Variants in GALNT11 observed in about 807,000 individuals in gnomAD.
GALNT11 encodes the protein polypeptide N-acetylgalactosaminyltransferase 11, also known as UDP-GalNAc:polypeptide N-acetylgalactosaminyltransferase 11.
Under a neutral mutation model 72.7 loss-of-function variants are expected in GALNT11, and 47 were observed. The observed-to-expected ratio is 0.65, with a 90% CI of 0.51 to 0.82. GALNT11 has a LOEUF of 0.82. Ranked by LOEUF, GALNT11 falls within the 40% of genes least tolerant of loss-of-function variation. GALNT11 has a pLI of 0.00. For synonymous variants in GALNT11, 270 were observed against 286.6 expected (o/e 0.94, Z 0.58); for missense variants, 677 against 778.4 (o/e 0.87, Z 1.55).
At chr7:152,095,222 C>T (rs1293388683) in intron 2 of GALNT11, among the ~76,000 whole-genome samples, 4 of 151,982 alleles carry the variant, frequency 2.6e-5, no homozygotes, top group African/African-American at 4.8e-5. Context: ...TTCTCTTCAA[C>T]TTGGATGCAA....
At chr7:152,044,330 A>G (rs891466291) in intron 1 of GALNT11, among the ~76,000 whole-genome samples, 1 of 152,208 alleles carries the variant, frequency 6.6e-6, no homozygotes, top group Non-Finnish European at 1.5e-5. Flanking sequence ...CAGCTCGCTC[A>G]TGCTATTGTT....
intron 1 of GALNT11, among the ~76,000 whole-genome samples, chr7:152,051,199 G>GTTTTTTTT (rs35668155): frequency 8.5e-5 from 4 of 46,826 alleles, no homozygotes; most frequent in Non-Finnish European, 1.5e-4. Flanking sequence ...ATATCTGGTT[G>GTTTTTTTT]TTTTTTTTTT....
chr7:152,113,318 C>T lies in GALNT11; in HGVS notation c.1153C>T (p.Pro385Ser). 1 of 1,614,130 alleles carries T rather than the reference C, an allele frequency of 6.2e-7. No individual in the cohort carries two copies. Among genetic ancestry groups the T allele is most frequent in the Non-Finnish European group, 8.5e-7 (1 of 1,180,024 alleles). Residue 385 changes from proline to serine, a missense_variant, in exon 8 of 12, where the codon CCA becomes TCA. Pro to Ser is a moderately conservative substitution (Grantham distance 74). Coordinates refer to ENST00000430044, the MANE Select transcript of GALNT11 (RefSeq NM_022087.4). ...AGGACACATTTTCCGAAAAAGGCGA[C>T]CATATGGATCTCCCGAAGGCCAGGA... Reference protein sequence around the residue: ...RVGHIFRKRRPYGSPEGQDTM... With the variant: ...RVGHIFRKRRSYGSPEGQDTM...
intron 1 of GALNT11, among the ~76,000 whole-genome samples, chr7:152,067,238 A>G (rs74904519): frequency 0.014 from 2,064 of 152,268 alleles, 41 homozygotes; most frequent in African/African-American, 0.041. Context: ...AGTAATCTCA[A>G]TTACCTGGCT....
chr7:152,031,836 G>T (rs1377843919), intron 1 of GALNT11, among the ~76,000 whole-genome samples: 1 of 152,232 alleles, frequency 6.6e-6, no homozygotes, highest in Middle Eastern at 3.4e-3. Context: ...TGCCCTCTGG[G>T]TCTCCTTGAT....
Position 152,094,573 on chromosome 7 carries a change from A to G in GALNT11, c.295+51A>G. The stretch of plus-strand genomic sequence containing the variant: ...CCATATCAATGTATTTAATCACTGG[A>G]AGTTTGATTAATTAGTTAATTAGGA... On this transcript the variant is annotated intron_variant, in intron 2 of 11. Transcript: ENST00000430044. The surrounding 1 kb of genome is among the most constrained non-coding windows in gnomAD (Gnocchi z 4.3). 1 of 1,499,572 alleles carries G rather than the reference A, an allele frequency of 6.7e-7. No homozygotes were observed. Among genetic ancestry groups the G allele is most frequent in the Non-Finnish European group, 8.9e-7 (1 of 1,119,006 alleles). The allele number at this position is 1,499,572 out of a possible 1,614,324, so 92.9% of individuals were successfully genotyped here.
chr7:152,036,804 C>T (rs906596301), intron 1 of GALNT11, among the ~76,000 whole-genome samples: 2 of 152,158 alleles, frequency 1.3e-5, no homozygotes, highest in Admixed American at 1.3e-4. Context: ...GATGATATCT[C>T]CTTGTAGTTT....
intron 1 of GALNT11, among the ~76,000 whole-genome samples, chr7:152,071,173 T>G (rs1465078016): frequency 1.3e-5 from 2 of 152,260 alleles, no homozygotes; most frequent in Non-Finnish European, 2.9e-5. Context: ...TCAACCAGTC[T>G]GACCAAAATT....
rs1374066649 is a variant in GALNT11 at position 152,078,347 on chromosome 7, G to A, written c.-38-15843G>A. Among the ~76,000 whole-genome samples the A allele has an allele frequency of 4.6e-5, 7 of 152,200 alleles. No homozygotes were observed. The South Asian group carries it at 8.3e-4, about 18-fold the overall frequency. ...CTCCTGAGTATCTGGGATTACAGGCGTATGCCACCATGCCCAGCAAATTTT... is the reference window on the plus strand; with the variant it reads ...CTCCTGAGTATCTGGGATTACAGGCATATGCCACCATGCCCAGCAAATTTT... On this transcript the variant is annotated intron_variant, in intron 1 of 11. Transcript: ENST00000430044.
At chr7:152,053,643 C>T (rs1157201267) in intron 1 of GALNT11, among the ~76,000 whole-genome samples, 1 of 152,022 alleles carries the variant, frequency 6.6e-6, no homozygotes, top group Admixed American at 6.6e-5. Flanking sequence ...AAAAGATTAC[C>T]GACCAAAATG....
chr7:152,080,565 A>G (rs2085262085), intron 1 of GALNT11, among the ~76,000 whole-genome samples: 2 of 152,222 alleles, frequency 1.3e-5, no homozygotes, highest in Admixed American at 6.5e-5. Flanking sequence ...TAGATTATAT[A>G]GCAAAACATT....
At chr7:152,067,978 A>G (rs910789562) in intron 1 of GALNT11, among the ~76,000 whole-genome samples, 3 of 152,048 alleles carry the variant, frequency 2.0e-5, no homozygotes, top group African/African-American at 7.2e-5. Flanking sequence ...GAGGTGCCAC[A>G]TACTTTTAAA....
intron 8 of GALNT11, among the ~76,000 whole-genome samples, chr7:152,114,906 G>T (rs2088677967): frequency 6.6e-6 from 1 of 152,172 alleles, no homozygotes; most frequent in Non-Finnish European, 1.5e-5. Flanking sequence ...TAGGTTTTGG[G>T]GGATAAAAGA....
intron 1 of GALNT11, among the ~76,000 whole-genome samples, chr7:152,030,622 A>C (rs1470341315): frequency 2.6e-5 from 4 of 151,390 alleles, no homozygotes; most frequent in African/African-American, 9.7e-5. Flanking sequence ...TTTCTTTACT[A>C]CTTCTATCTC....
intron 4 of GALNT11, 51 bp from the exon 5 acceptor site, chr7:152,105,194 T>C: frequency 5.7e-6 from 9 of 1,565,840 alleles, no homozygotes; most frequent in Non-Finnish European, 7.8e-6. Flanking sequence ...CTGTAAAGTG[T>C]CTTTATATAT....
intron 1 of GALNT11, among the ~76,000 whole-genome samples, chr7:152,084,217 A>G (rs1228450447): frequency 6.6e-6 from 1 of 151,128 alleles, no homozygotes; most frequent in African/African-American, 2.4e-5. Flanking sequence ...ACTGGGGTCA[A>G]TTTTAATAAG....
chr7:152,110,427 T>G, intron 6 of GALNT11, 101 bp from the exon 7 acceptor site: 1 of 830,652 alleles, frequency 1.2e-6, no homozygotes, highest in Middle Eastern at 2.3e-4. Context: ...AATTCAATTT[T>G]TATTAGTTAT....
At chr7:152,096,862 C>G (rs375898153) in intron 2 of GALNT11, among the ~76,000 whole-genome samples, 16 of 152,118 alleles carry the variant, frequency 1.1e-4, no homozygotes, top group African/African-American at 3.4e-4. Flanking sequence ...GGGCCTTGCT[C>G]TGTCACCTGC....
chr7:152,085,026 A>G (rs960455323), intron 1 of GALNT11, among the ~76,000 whole-genome samples: 2 of 152,196 alleles, frequency 1.3e-5, no homozygotes, highest in Admixed American at 6.5e-5. Flanking sequence ...TAACAACTCC[A>G]GCAATTATTT....
Sources: gnomAD v4.1 joint callset for allele counts (sites outside exome capture counted in the v4.1 genomes callset) on GRCh38, gnomAD v4.1.1 for gene constraint, Gnocchi (gnomAD v3.1) non-coding constraint, MANE v1.5 for transcripts, NCBI Gene and HGNC (gene_info 2026-07-23, HGNC 2026-07-21) for gene names.